TSPAN9: variants seen among roughly 807,000 people sequenced by gnomAD.
TSPAN9 encodes the protein tetraspanin-9.
Under a neutral mutation model 31.0 loss-of-function variants are expected in TSPAN9, and 16 were observed. That is an observed-to-expected ratio of 0.52 (90% confidence interval 0.35 to 0.78). The LOEUF (loss-of-function observed/expected upper bound fraction) is 0.78. Among genes scored for constraint, TSPAN9 ranks in the 30% least tolerant of loss-of-function variants. The probability of loss-of-function intolerance (pLI) is 0.01; values close to 1 mark genes in which losing one functional copy is unlikely to be tolerated. For missense variants in TSPAN9, 272 were observed against 312.5 expected (o/e 0.87, Z 0.98); for synonymous variants, 145 against 121.6 (o/e 1.19, Z -1.27).
intron 2 of TSPAN9, among the ~76,000 whole-genome samples, chr12:3,184,827 G>A (rs2098360334): frequency 6.6e-6 from 1 of 152,206 alleles, no homozygotes; most frequent in African/African-American, 2.4e-5. Context: ...GGTGTCCATG[G>A]CAGAGCAGGG....
chr12:3,241,892 T>A (rs1591700206), intron 3 of TSPAN9, among the ~76,000 whole-genome samples: 1 of 151,902 alleles, frequency 6.6e-6, no homozygotes, highest in Non-Finnish European at 1.5e-5. Flanking sequence ...CCCTGCCCCC[T>A]CCCCACCGTC....
intron 3 of TSPAN9, among the ~76,000 whole-genome samples, chr12:3,262,949 A>T (rs779410042): frequency 1.9e-4 from 29 of 152,276 alleles, no homozygotes; most frequent in Non-Finnish European, 4.3e-4. Flanking sequence ...TTCCTTAACC[A>T]GGGCCTTTGA....
chr12:3,254,286 T>C (rs1862306433), intron 3 of TSPAN9, among the ~76,000 whole-genome samples: 2 of 152,222 alleles, frequency 1.3e-5, no homozygotes, highest in African/African-American at 4.8e-5. Flanking sequence ...ACCTTTTCAA[T>C]GCTCAGACGC....
chr12:3,197,509 A>G (rs1171476169), intron 2 of TSPAN9, among the ~76,000 whole-genome samples: 1 of 152,170 alleles, frequency 6.6e-6, no homozygotes, highest in Admixed American at 6.5e-5. Context: ...CTGAGTTGGG[A>G]AGGGGCTCAG....
At chr12:3,157,975 C>T (rs1328850941) in intron 2 of TSPAN9, among the ~76,000 whole-genome samples, 1 of 152,182 alleles carries the variant, frequency 6.6e-6, no homozygotes, top group Non-Finnish European at 1.5e-5. Flanking sequence ...TGTCTTTCTC[C>T]CCTTTTCCAC....
rs1192044749 is a variant in TSPAN9 at position 3,283,306 on chromosome 12, C to T, written c.*190C>T. ...GGAGTGCCAGGGAGGAGGAGGCACA[C>T]GGAGACCTGGGGCTCGGGGCCCCTG... On this transcript the variant is annotated 3_prime_UTR_variant, in exon 9 of 9. Transcript: ENST00000011898. 13 of 593,784 alleles carry T rather than the reference C, an allele frequency of 2.2e-5. No individual in the cohort carries two copies. Among genetic ancestry groups the T allele is most frequent in the Admixed American group, 1.0e-4 (3 of 29,018 alleles). 36.8% of individuals were successfully genotyped at this position (593,784 alleles called of 1,614,324 possible). A position where few individuals can be genotyped will look rare whatever the true frequency, so the allele number is the denominator to read the frequency against.
At chr12:3,240,088 A>G (rs1344330900) in intron 3 of TSPAN9, among the ~76,000 whole-genome samples, 3 of 151,878 alleles carry the variant, frequency 2.0e-5, no homozygotes, top group African/African-American at 7.3e-5. Flanking sequence ...TAAAGCACAT[A>G]ATGTAGAGAA....
At chr12:3,270,749 A>G (rs1040056858) in intron 3 of TSPAN9, among the ~76,000 whole-genome samples, 5 of 152,230 alleles carry the variant, frequency 3.3e-5, no homozygotes, top group Non-Finnish European at 5.9e-5. Flanking sequence ...GCTGTCCCCA[A>G]AGTCTCGGAT....
chr12:3,184,424 A>G (rs1250328724), intron 2 of TSPAN9, among the ~76,000 whole-genome samples: 1 of 151,702 alleles, frequency 6.6e-6, no homozygotes, highest in Non-Finnish European at 1.5e-5. Flanking sequence ...AGAAAGAGAA[A>G]GAGAGAGAGA....
intron 1 of TSPAN9, among the ~76,000 whole-genome samples, chr12:3,078,513 A>G (rs752376807): frequency 1.3e-5 from 2 of 152,220 alleles, no homozygotes; most frequent in Non-Finnish European, 2.9e-5. Context: ...GCTTGCCATC[A>G]TAAGTAATGG....
At chr12:3,202,744 G>A (rs1422797996) in intron 3 of TSPAN9, among the ~76,000 whole-genome samples, 1 of 152,190 alleles carries the variant, frequency 6.6e-6, no homozygotes, top group Non-Finnish European at 1.5e-5. Context: ...GAAGTGACTT[G>A]AGTTGGATTC....
chr12:3,263,323 G>A (rs1862483911), intron 3 of TSPAN9, among the ~76,000 whole-genome samples: 1 of 152,232 alleles, frequency 6.6e-6, no homozygotes, highest in Non-Finnish European at 1.5e-5. Context: ...CTGGCCCGTT[G>A]GCAGCACATA....
Position 3,280,598 on chromosome 12 carries a change from G to T in TSPAN9, c.432+115G>T, listed in dbSNP as rs749915031. The T allele has an allele frequency of 5.2e-6, 5 of 966,938 alleles. No individual in the cohort carries two copies. The highest frequency in any genetic ancestry group is 2.2e-5 in the Admixed American group (1 of 46,246). 59.9% of individuals were successfully genotyped at this position (966,938 alleles called of 1,614,324 possible). On this transcript the variant is annotated intron_variant, in intron 6 of 8. Coordinates refer to ENST00000011898, the MANE Select transcript of TSPAN9 (RefSeq NM_006675.5). The surrounding 1 kb of genome is among the most constrained non-coding windows in gnomAD (Gnocchi z 4.5). ...CACCTGTGCTTTCTGGATTTTAGCC[G>T]GGAGTGGAGTGGTACCCACGGGGGC...
At chr12:3,124,360 T>G (rs74462168) in intron 2 of TSPAN9, among the ~76,000 whole-genome samples, 1 of 152,316 alleles carries the variant, frequency 6.6e-6, no homozygotes, top group Non-Finnish European at 1.5e-5. Context: ...TGCAGCACTA[T>G]TTATAGTAGC....
intron 2 of TSPAN9, among the ~76,000 whole-genome samples, chr12:3,095,759 C>G (rs1375921120): frequency 4.0e-5 from 6 of 150,596 alleles, no homozygotes; most frequent in Non-Finnish European, 8.9e-5. Context: ...AGAGACGCTC[C>G]TCACTTCCTA....
rs2098349786 is a variant in TSPAN9 at position 3,168,383 on chromosome 12, TC to T, written c.-17-32792del. 6.6e-6 allele frequency among the ~76,000 whole-genome samples: 1 copy of T among 152,172 alleles called. No individual in the cohort carries two copies. The highest frequency in any genetic ancestry group is 6.5e-5 in the Admixed American group (1 of 15,280). On this transcript the variant is annotated intron_variant, in intron 2 of 8. Coordinates refer to ENST00000011898, the MANE Select transcript of TSPAN9 (RefSeq NM_006675.5). The surrounding 1 kb of genome is among the most constrained non-coding windows in gnomAD (Gnocchi z 4.0). ...CAAAATCTGTGCCTTCGCAATATGT[TC>T]CGGGTGCTGTAGGGGTGCTGGGTGA... is the stretch of plus-strand genomic sequence containing the variant.
chr12:3,219,874 G>A (rs1414491778), intron 3 of TSPAN9, among the ~76,000 whole-genome samples: 1 of 147,998 alleles, frequency 6.8e-6, no homozygotes, highest in East Asian at 2.0e-4. Flanking sequence ...AAGGAATGAG[G>A]CTGGGTGCTG....
chr12:3,274,875 G>A (rs564720328), intron 3 of TSPAN9, among the ~76,000 whole-genome samples: 1 of 152,356 alleles, frequency 6.6e-6, no homozygotes, highest in African/African-American at 2.4e-5. Flanking sequence ...TGTGCCAGGC[G>A]GGAGCTGTGA....
chr12:3,232,699 A>T (rs1345146674), intron 3 of TSPAN9, among the ~76,000 whole-genome samples: 2 of 152,202 alleles, frequency 1.3e-5, no homozygotes, highest in African/African-American at 4.8e-5. Flanking sequence ...ATGCTGGCGC[A>T]TCCAGCCCTC....
Sources: gnomAD v4.1 joint callset for allele counts (sites outside exome capture counted in the v4.1 genomes callset) on GRCh38, gnomAD v4.1.1 for gene constraint, Gnocchi (gnomAD v3.1) non-coding constraint, MANE v1.5 for transcripts, NCBI Gene and HGNC (gene_info 2026-07-23, HGNC 2026-07-21) for gene names.